The following NME7 variants were observed in gnomAD, a reference collection of about 807,000 sequenced individuals.
NME7 encodes NME/NM23 family member 7, also known as nucleoside diphosphate kinase 7.
In NME7, 41 loss-of-function variants were observed where a neutral mutation model predicts 49.1. The observed-to-expected ratio is 0.83, with a 90% confidence interval of 0.65 to 1.08. The LOEUF (loss-of-function observed/expected upper bound fraction) is 1.08, where lower values mean the gene tolerates loss of function less well. Ranked by LOEUF, NME7 falls within the 50% of genes least tolerant of loss-of-function variation. The pLI, the probability that NME7 is intolerant of heterozygous loss-of-function variation, is 0.00. For synonymous variants in NME7, 139 were observed against 150.6 expected, an observed-to-expected ratio of 0.92 and a Z score of 0.56; for missense variants, 423 against 463.4, an observed-to-expected ratio of 0.91 and a Z score of 0.80.
chr1:169,236,772 G>C (rs1396459583), intron 8 of NME7, among the ~76,000 whole-genome samples: 1 of 141,470 alleles, frequency 7.1e-6, no homozygotes, highest in Non-Finnish European at 1.5e-5. Context: ...ACTCCAGTTT[G>C]TGTCCTGGTC....
At chr1:169,282,367 C>T (rs1187832359) in intron 7 of NME7, among the ~76,000 whole-genome samples, 1 of 152,070 alleles carries the variant, frequency 6.6e-6, no homozygotes, top group East Asian at 1.9e-4. Flanking sequence ...GGCTAGCAGT[C>T]TATCTATTTT....
intron 11 of NME7, among the ~76,000 whole-genome samples, chr1:169,140,156 A>G (rs1427659903): frequency 6.6e-6 from 1 of 152,226 alleles, no homozygotes; most frequent in African/African-American, 2.4e-5. Context: ...AAGACAGAAG[A>G]AAGGATGATT....
At chr1:169,292,597 A>G (rs1406959982) in intron 6 of NME7, among the ~76,000 whole-genome samples, 1 of 152,158 alleles carries the variant, frequency 6.6e-6, no homozygotes, top group African/African-American at 2.4e-5. Flanking sequence ...GCAGGATATA[A>G]GGCTGGAGGA....
At chr1:169,248,110 G>C (rs912575730) in intron 7 of NME7, among the ~76,000 whole-genome samples, 1 of 151,968 alleles carries the variant, frequency 6.6e-6, no homozygotes, top group Non-Finnish European at 1.5e-5. Context: ...GCAGTGTATA[G>C]GTGTTCCCTT....
intron 11 of NME7, among the ~76,000 whole-genome samples, chr1:169,150,365 T>A (rs955739230): frequency 6.6e-6 from 1 of 152,176 alleles, no homozygotes; most frequent in African/African-American, 2.4e-5. Context: ...GTAAATACAT[T>A]GCATTTAATG....
chr1:169,322,734 C>T (rs1651900715), intron 3 of NME7, among the ~76,000 whole-genome samples: 1 of 150,916 alleles, frequency 6.6e-6, no homozygotes, highest in African/African-American at 2.4e-5. Context: ...TAGTTACAAA[C>T]AATCTAGGCA....
chr1:169,192,549 AG>A (rs1273116516), intron 10 of NME7, among the ~76,000 whole-genome samples: 1 of 152,158 alleles, frequency 6.6e-6, no homozygotes, highest in African/African-American at 2.4e-5. Context: ...TTGATATCTG[AG>A]GGGTCCTGGA....
chr1:169,165,054 T>C (rs1320256455), intron 11 of NME7, among the ~76,000 whole-genome samples: 1 of 152,032 alleles, frequency 6.6e-6, no homozygotes, highest in Non-Finnish European at 1.5e-5. Flanking sequence ...ACCAGCAGAG[T>C]ATAAGAGAAC....
intron 11 of NME7, chr1:169,169,195 G>A (rs947511215): frequency 7.6e-6 from 3 of 394,912 alleles, no homozygotes; most frequent in South Asian, 2.4e-5. Context: ...TCACATACCA[G>A]GACTTGTCAG....
intron 1 of NME7, among the ~76,000 whole-genome samples, chr1:169,365,512 G>A (rs1309250126): frequency 1.3e-5 from 2 of 152,202 alleles, no homozygotes; most frequent in Non-Finnish European, 2.9e-5. Context: ...CCAGTTTGAA[G>A]TTGCTTGGTA....
chr1:169,341,339 G>A (rs1045552341), intron 1 of NME7, among the ~76,000 whole-genome samples: 3 of 152,236 alleles, frequency 2.0e-5, no homozygotes, highest in Non-Finnish European at 4.4e-5. Context: ...GTACGCAGAA[G>A]ACAAGAGCTG....
At chr1:169,349,685 T>C (rs1335502978) in intron 1 of NME7, among the ~76,000 whole-genome samples, 8 of 152,148 alleles carry the variant, frequency 5.3e-5, no homozygotes, top group Non-Finnish European at 1.5e-5. Flanking sequence ...AGAACCTCTT[T>C]TTTTAAAACC....
At chr1:169,234,837 GTTAACATCAGGTTACCTCAGGTTACTTT>G (rs1243683465) in intron 9 of NME7, among the ~76,000 whole-genome samples, 1 of 152,068 alleles carries the variant, frequency 6.6e-6, no homozygotes, top group African/African-American at 2.4e-5. Flanking sequence ...TAACTGACTG[GTTAACATCAGGTTACCTCAGGTTACTTT>G]TTGTTGTATG....
intron 10 of NME7, among the ~76,000 whole-genome samples, chr1:169,229,971 A>AAG (rs1469381623): frequency 3.3e-5 from 5 of 152,140 alleles, no homozygotes; most frequent in Non-Finnish European, 7.3e-5. Context: ...AAAAAAAAAA[A>AAG]AAATTAAAAA....
At chr1:169,288,980 C>G (rs188746233) in intron 6 of NME7, among the ~76,000 whole-genome samples, 1 of 127,296 alleles carries the variant, frequency 7.9e-6, no homozygotes, top group Admixed American at 7.5e-5. Flanking sequence ...TCCCATTGGT[C>G]TGTTCCCTTC....
At position 169,276,635 on chromosome 1, in the gene NME7, C is replaced by T. The variant is rs1488546830; in HGVS notation, c.754+10668G>A. 1.5e-5 allele frequency among the ~76,000 whole-genome samples: 2 copies of T among 132,710 alleles called. 1 individual carries two copies. The highest frequency in any genetic ancestry group is 3.5e-5 in the Non-Finnish European group (2 of 56,660). The allele number at this position is 132,710 out of a possible 152,430, so 87.1% of individuals were successfully genotyped here. A position where few individuals can be genotyped will look rare whatever the true frequency, so the allele number is the denominator to read the frequency against. On this transcript the variant is annotated intron_variant, in intron 7 of 11. Coordinates refer to ENST00000367811, the MANE Select transcript of NME7 (RefSeq NM_013330.5). ...CAATTTTGCTGATCCTTTCAAAAAA[C>T]CAGCTCCTGGATTCGTTGATTTTTT...
intron 6 of NME7, among the ~76,000 whole-genome samples, chr1:169,289,220 TTTCA>T (rs1180476955): frequency 6.6e-6 from 1 of 152,148 alleles, no homozygotes; most frequent in East Asian, 1.9e-4. Context: ...TCTGGAATGC[TTTCA>T]TTACTTGCCT....
intron 9 of NME7, among the ~76,000 whole-genome samples, chr1:169,232,918 T>A (rs60351599): frequency 0.07 from 6,471 of 92,942 alleles, 180 homozygotes; most frequent in East Asian, 0.12. Flanking sequence ...TTTTCTTTTT[T>A]TTTTTTTTTT....
intron 1 of NME7, among the ~76,000 whole-genome samples, chr1:169,355,367 T>C (rs963913090): frequency 4.2e-5 from 3 of 71,226 alleles, no homozygotes; most frequent in Non-Finnish European, 6.1e-5. Context: ...ATATATATTA[T>C]ACACACACAC....
Sources: gnomAD v4.1 joint callset for allele counts (sites outside exome capture counted in the v4.1 genomes callset) on GRCh38, gnomAD v4.1.1 for gene constraint, MANE v1.5 for transcripts, NCBI Gene and HGNC (gene_info 2026-07-23, HGNC 2026-07-21) for gene names.